NPSR1: variants seen among roughly 807,000 people sequenced by gnomAD.
NPSR1 encodes the protein neuropeptide S receptor 1.
NPSR1 carries 48 observed loss-of-function variants against 46.9 expected under a neutral mutation model. That is an observed-to-expected ratio of 1.02 (90% confidence interval 0.81 to 1.30). NPSR1 has a LOEUF of 1.30. Among genes scored for constraint, NPSR1 ranks in the 50% most tolerant of loss-of-function variants. The pLI is 0.00. For synonymous variants in NPSR1, 176 were observed against 168.1 expected (o/e 1.05, Z -0.36); for missense variants, 450 against 449.5 (o/e 1.00, Z -0.01).
At chr7:34,854,118 T>A (rs1791001684), downstream of NPSR1, among the ~76,000 whole-genome samples, 1 of 152,160 alleles carries the variant, frequency 6.6e-6, no homozygotes, top group Non-Finnish European at 1.5e-5. Flanking sequence ...CAAGAATGCA[T>A]GTTACAATTT....
chr7:34,733,420 A>T (rs917276375), intron 2 of NPSR1, among the ~76,000 whole-genome samples: 2 of 112,010 alleles, frequency 1.8e-5, no homozygotes, highest in Non-Finnish European at 4.3e-5. Context: ...TTTTGTCTTA[A>T]AAAAAAAAAA....
intron 8 of NPSR1, among the ~76,000 whole-genome samples, chr7:34,867,829 A>G (rs1261244992): frequency 2.0e-5 from 3 of 151,906 alleles, no homozygotes; most frequent in Non-Finnish European, 2.9e-5. Flanking sequence ...TTTGGCACTC[A>G]GTTCCAAGCT....
intron 1 of NPSR1, among the ~76,000 whole-genome samples, chr7:34,679,818 TA>T (rs1383340827): frequency 2.0e-5 from 3 of 152,154 alleles, no homozygotes; most frequent in Non-Finnish European, 4.4e-5. Flanking sequence ...AGAAATCATT[TA>T]AATAATAATA....
chr7:34,792,715 T>TTTATATA (rs1554331562), intron 3 of NPSR1, among the ~76,000 whole-genome samples: 1 of 98,924 alleles, frequency 1.0e-5, no homozygotes, highest in African/African-American at 3.9e-5. Flanking sequence ...ATATATATAT[T>TTTATATA]TATATATATA....
intron 7 of NPSR1, among the ~76,000 whole-genome samples, chr7:34,847,570 C>T (rs1013838190): frequency 4.6e-5 from 7 of 152,118 alleles, no homozygotes; most frequent in Non-Finnish European, 8.8e-5. Flanking sequence ...GGATGGGGTA[C>T]ATTTCAGTTT....
At chr7:34,823,807 T>C (rs1183203250) in intron 4 of NPSR1, among the ~76,000 whole-genome samples, 2 of 152,138 alleles carry the variant, frequency 1.3e-5, no homozygotes, top group Non-Finnish European at 2.9e-5. Flanking sequence ...AAAAATGTTA[T>C]TTATCAGTGC....
At chr7:34,762,084 T>C (rs1786200378) in intron 2 of NPSR1, among the ~76,000 whole-genome samples, 1 of 152,182 alleles carries the variant, frequency 6.6e-6, no homozygotes, top group African/African-American at 2.4e-5. Flanking sequence ...GACTTGGGTT[T>C]CCTTAATTAG....
chr7:34,753,972 A>G (rs1297583780), intron 2 of NPSR1, among the ~76,000 whole-genome samples: 1 of 152,196 alleles, frequency 6.6e-6, no homozygotes, highest in Non-Finnish European at 1.5e-5. Context: ...AATAGACATG[A>G]GAGACTTAAT....
chr7:34,681,739 G>C (rs1296091710), intron 1 of NPSR1, among the ~76,000 whole-genome samples: 1 of 152,118 alleles, frequency 6.6e-6, no homozygotes, highest in Non-Finnish European at 1.5e-5. Context: ...AATGAGCACA[G>C]TTCTGGAAAG....
At chr7:34,702,719 A>G (rs184136344) in intron 2 of NPSR1, among the ~76,000 whole-genome samples, 1 of 152,350 alleles carries the variant, frequency 6.6e-6, no homozygotes, top group Admixed American at 6.5e-5. Context: ...CAATCCTGCA[A>G]TAAACATTCT....
chr7:34,792,734 T>TTTTTATATATATATGTA (rs1787994356), intron 3 of NPSR1, among the ~76,000 whole-genome samples: 1 of 123,304 alleles, frequency 8.1e-6, no homozygotes, highest in Non-Finnish European at 1.7e-5. Context: ...TATATATATA[T>TTTTTATATATATATGTA]TAGCCAGGCA....
Position 34,669,887 on chromosome 7 carries a change from G to C in NPSR1, c.147+11328G>C, listed in dbSNP as rs182665081. ...CTTCTGCTCAGCTGTCGAGAGGATCGTGAAAAAACGAGAGTGTTTTATAAA... is the reference window on the plus strand; with the variant it reads ...CTTCTGCTCAGCTGTCGAGAGGATCCTGAAAAAACGAGAGTGTTTTATAAA... On this transcript the variant is annotated intron_variant, in intron 1 of 8. Coordinates refer to ENST00000360581, the MANE Select transcript of NPSR1 (RefSeq NM_207172.2). Among the ~76,000 whole-genome samples the C allele has an allele frequency of 1.2e-4, 19 of 152,268 alleles. No individual in the cohort carries two copies. The Middle Eastern group carries it at 0.01, about 82-fold the overall frequency.
At chr7:34,838,973 A>C (rs1396278381) in intron 6 of NPSR1, among the ~76,000 whole-genome samples, 1 of 152,220 alleles carries the variant, frequency 6.6e-6, no homozygotes, top group African/African-American at 2.4e-5. Flanking sequence ...CTATATCCAA[A>C]TTCCATGTTT....
chr7:34,716,343 A>G (rs1783564984), intron 2 of NPSR1, among the ~76,000 whole-genome samples: 2 of 152,194 alleles, frequency 1.3e-5, no homozygotes, highest in South Asian at 4.1e-4. Context: ...GTGCCATGGA[A>G]AAATTTGAAC....
chr7:34,658,843 T>A (rs35873036), intron 1 of NPSR1, among the ~76,000 whole-genome samples: 4,553 of 152,274 alleles, frequency 0.03, 131 homozygotes, highest in African/African-American at 0.072. Flanking sequence ...CTTTCCCCCT[T>A]TCCTTAGGTG....
chr7:34,844,918 T>C lies in NPSR1; in HGVS notation c.780T>C (p.Tyr260=). 1.2e-6 allele frequency: 2 copies of C among 1,611,430 alleles called. No homozygotes were observed. The highest frequency in any genetic ancestry group is 1.7e-6 in the Non-Finnish European group (2 of 1,177,538). The change falls in exon 7 of 9, where the codon TAT becomes TAC. Residue 260 remains tyrosine, a synonymous_variant. Coordinates refer to ENST00000360581, the MANE Select transcript of NPSR1 (RefSeq NM_207172.2). ...NCSDGKLCSS[Y]NRGLISKAKI... ...CAGATGGGAAACTGTGCAGCAGCTA[T>C]AACCGAGGACTCATCTCAAAGGCAA...
At chr7:34,725,188 C>G (rs1004618359) in intron 2 of NPSR1, among the ~76,000 whole-genome samples, 11 of 152,026 alleles carry the variant, frequency 7.2e-5, no homozygotes, top group Non-Finnish European at 4.4e-5. Context: ...AGGGTGAATG[C>G]AGATACAACT....
At chr7:34,663,067 C>CTGTGTGTGTGTGTG (rs1425497014) in intron 1 of NPSR1, among the ~76,000 whole-genome samples, 3 of 99,386 alleles carry the variant, frequency 3.0e-5, no homozygotes, top group African/African-American at 1.7e-4. Context: ...CTCTCTCTCT[C>CTGTGTGTGTGTGTG]TGTGTGTGTG....
At chr7:34,831,108 C>A (rs1396010728) in intron 5 of NPSR1, among the ~76,000 whole-genome samples, 1 of 152,220 alleles carries the variant, frequency 6.6e-6, no homozygotes, top group African/African-American at 2.4e-5. Flanking sequence ...ATCTAGACTT[C>A]ATGGCAGTTT....
Sources: allele counts gnomAD v4.1 joint callset (sites outside exome capture counted in the v4.1 genomes callset), GRCh38; gene constraint gnomAD v4.1.1; transcripts MANE v1.5; gene names NCBI Gene and HGNC (gene_info 2026-07-23, HGNC 2026-07-21).